The following TMTC2 variants were observed in gnomAD, a reference collection of about 807,000 sequenced individuals.
TMTC2 encodes transmembrane O-mannosyltransferase targeting cadherins 2, also known as protein O-mannosyl-transferase TMTC2.
In TMTC2, 43 loss-of-function variants were observed where a neutral mutation model predicts 82.4. That is an observed-to-expected ratio of 0.52 (90% CI 0.41 to 0.67). TMTC2 has a LOEUF of 0.67. TMTC2 is among the 30% of genes least tolerant of loss of function. The pLI is 0.00. For synonymous variants in TMTC2, 408 were observed against 381.9 expected (o/e 1.07, Z -0.80); for missense variants, 919 against 1,012.4 (o/e 0.91, Z 1.25).
chr12:83,053,549 A>C (rs568672308), intron 10 of TMTC2, among the ~76,000 whole-genome samples: 2 of 152,164 alleles, frequency 1.3e-5, no homozygotes, highest in African/African-American at 4.8e-5. Flanking sequence ...TAGCAAAAAG[A>C]AAAAAATTGT....
chr12:82,688,223 A>T (rs1243002606), intron 1 of TMTC2, among the ~76,000 whole-genome samples: 2 of 152,184 alleles, frequency 1.3e-5, no homozygotes, highest in Non-Finnish European at 2.9e-5. Context: ...AGCCAAAATA[A>T]TGCTGCTGAT....
At chr12:82,786,069 G>T (rs1358142962) in intron 1 of TMTC2, among the ~76,000 whole-genome samples, 1 of 152,022 alleles carries the variant, frequency 6.6e-6, no homozygotes, top group African/African-American at 2.4e-5. Flanking sequence ...AACTGGCTCT[G>T]ATTACTTGAT....
chr12:82,717,091 C>G (rs1246668482), intron 1 of TMTC2, among the ~76,000 whole-genome samples: 1 of 152,116 alleles, frequency 6.6e-6, no homozygotes, highest in East Asian at 1.9e-4. Flanking sequence ...ATCACCTCTG[C>G]CTTTGTGTGC....
intron 3 of TMTC2, among the ~76,000 whole-genome samples, chr12:82,916,213 A>G (rs1449480431): frequency 6.6e-6 from 1 of 152,236 alleles, no homozygotes; most frequent in Non-Finnish European, 1.5e-5. Flanking sequence ...CAAGTGTTCC[A>G]TTAACTACTT....
At chr12:82,963,374 C>T (rs1320462580) in intron 4 of TMTC2, among the ~76,000 whole-genome samples, 2 of 151,788 alleles carry the variant, frequency 1.3e-5, no homozygotes, top group Non-Finnish European at 2.9e-5. Context: ...TCTAAAGAAG[C>T]TAGAAAAAAT....
At chr12:82,943,160 T>C (rs1276699120) in intron 4 of TMTC2, among the ~76,000 whole-genome samples, 3 of 152,216 alleles carry the variant, frequency 2.0e-5, no homozygotes, top group African/African-American at 7.2e-5. Context: ...TCATAGGTAC[T>C]AGAATGACTC....
rs111599421 is a variant in TMTC2, at chr12:82,784,880, C to CTT, written c.84-72123_84-72122dup. ...TTCACTGATTTCCTTGCGTGTGTGT[C>CTT]TTTTTTTTGTTTGTTTTGTTTTTGT... is the stretch of plus-strand genomic sequence containing the variant. On this transcript the variant is annotated intron_variant, in intron 1 of 11. Transcript: ENST00000321196. Among the ~76,000 whole-genome samples, 130 of 151,722 alleles carry CTT rather than the reference C, an allele frequency of 8.6e-4. 1 individual carries two copies. In the South Asian group the frequency reaches 0.017, roughly 20 times the overall value.
At chr12:82,719,341 C>T (rs1299764746) in intron 1 of TMTC2, among the ~76,000 whole-genome samples, 1 of 151,962 alleles carries the variant, frequency 6.6e-6, no homozygotes, top group Admixed American at 6.6e-5. Context: ...ATCCACCCGC[C>T]TTGGCCTCCC....
At chr12:83,004,404 G>A (rs2085925976) in intron 8 of TMTC2, among the ~76,000 whole-genome samples, 1 of 152,158 alleles carries the variant, frequency 6.6e-6, no homozygotes, top group African/African-American at 2.4e-5. Flanking sequence ...ATCTGGCTAA[G>A]AAGCATTTCT....
chr12:82,896,789 T>A, intron 3 of TMTC2, 143 bp downstream of exon 3: 1 of 615,758 alleles, frequency 1.6e-6, no homozygotes, highest in Non-Finnish European at 2.7e-6. Flanking sequence ...TTTATTTTTT[T>A]AAAGAGATAT....
chr12:83,063,612 G>C (rs1882817842), intron 11 of TMTC2, among the ~76,000 whole-genome samples: 1 of 151,852 alleles, frequency 6.6e-6, no homozygotes, highest in Non-Finnish European at 1.5e-5. Flanking sequence ...GAATCACACT[G>C]TAACCCAGGT....
intron 2 of TMTC2, among the ~76,000 whole-genome samples, chr12:82,858,094 T>C (rs1871350857): frequency 6.6e-6 from 1 of 152,212 alleles, no homozygotes; most frequent in Non-Finnish European, 1.5e-5. Context: ...CTTTTTCTCG[T>C]GATAGTGCAT....
chr12:83,089,205 A>G lies in TMTC2; in HGVS notation c.2331+27374A>G, dbSNP rs139863829. 3.1e-4 allele frequency among the ~76,000 whole-genome samples: 47 copies of G among 152,298 alleles called. 1 individual carries two copies. Among genetic ancestry groups the G allele is most frequent in the African/African-American group, 1.1e-3 (45 of 41,554 alleles). On this transcript the variant is annotated intron_variant, in intron 11 of 11. Coordinates refer to ENST00000321196, the MANE Select transcript of TMTC2 (RefSeq NM_152588.3). ...CCAGGCAATAGGCTGTTTTCCTACA[A>G]CTTCCTAACTTATGCTTTTTTGGAG...
intron 8 of TMTC2, among the ~76,000 whole-genome samples, chr12:83,009,908 C>T (rs991988297): frequency 1.3e-5 from 2 of 152,200 alleles, no homozygotes; most frequent in East Asian, 3.9e-4. Flanking sequence ...CTAGATCCCT[C>T]ACAGTGCAGT....
At chr12:82,819,409 C>T (rs372528766) in intron 1 of TMTC2, among the ~76,000 whole-genome samples, 8 of 151,832 alleles carry the variant, frequency 5.3e-5, no homozygotes, top group Non-Finnish European at 1.0e-4. Flanking sequence ...TAGATAATCT[C>T]CAGTTTATCA....
At chr12:83,124,622 C>T in intron 11 of TMTC2, among the ~76,000 whole-genome samples, 1 of 147,666 alleles carries the variant, frequency 6.8e-6, no homozygotes, top group African/African-American at 2.5e-5. Context: ...AGGACTTTGT[C>T]AATGGAGCAG....
At chr12:82,924,165 C>G (rs188974055) in intron 3 of TMTC2, among the ~76,000 whole-genome samples, 1 of 152,192 alleles carries the variant, frequency 6.6e-6, no homozygotes, top group Non-Finnish European at 1.5e-5. Context: ...GTTGGCTTAA[C>G]TACTTCTTGC....
intron 7 of TMTC2, among the ~76,000 whole-genome samples, chr12:82,967,884 A>C (rs1187318523): frequency 6.6e-6 from 1 of 152,128 alleles, no homozygotes; most frequent in East Asian, 1.9e-4. Flanking sequence ...AAATGAGATT[A>C]GACTATATAA....
chr12:82,995,352 A>G (rs990716542), intron 8 of TMTC2, among the ~76,000 whole-genome samples: 1 of 150,742 alleles, frequency 6.6e-6, no homozygotes, highest in African/African-American at 2.4e-5. Flanking sequence ...ACACACACAC[A>G]CGCACATAAA....
Sources: gnomAD v4.1 joint callset for allele counts (sites outside exome capture counted in the v4.1 genomes callset) on GRCh38, gnomAD v4.1.1 for gene constraint, MANE v1.5 for transcripts, NCBI Gene and HGNC (gene_info 2026-07-23, HGNC 2026-07-21) for gene names.